SOX5: variants seen among roughly 807,000 people sequenced by gnomAD.
SOX5 encodes SRY-box transcription factor 5.
In SOX5, 9 loss-of-function variants were observed where a neutral mutation model predicts 92.0. The observed-to-expected ratio is 0.10, with a 90% CI of 0.06 to 0.17. SOX5 has a LOEUF of 0.17. SOX5 is among the 10% of genes least tolerant of loss of function. The pLI is 1.00. For synonymous variants in SOX5, 344 were observed against 336.3 expected, an observed-to-expected ratio of 1.02 and a Z score of -0.25; for missense variants, 642 against 944.5, an observed-to-expected ratio of 0.68 and a Z score of 4.20.
At chr12:24,479,826 T>C (rs1205993081) in intron 1 of SOX5, among the ~76,000 whole-genome samples, 2 of 151,998 alleles carry the variant, frequency 1.3e-5, no homozygotes, top group Admixed American at 6.6e-5. Flanking sequence ...CCACCATGCC[T>C]GGCTAATTTT....
chr12:24,005,880 C>T (rs1025656310), intron 4 of SOX5, among the ~76,000 whole-genome samples: 7 of 152,050 alleles, frequency 4.6e-5, no homozygotes, highest in South Asian at 4.1e-4. Flanking sequence ...ATATATTTTC[C>T]GGGCTAGGAA....
chr12:24,187,347 T>C (rs537205771), intron 4 of SOX5, among the ~76,000 whole-genome samples: 8 of 152,316 alleles, frequency 5.3e-5, no homozygotes, highest in Admixed American at 3.3e-4. Flanking sequence ...ATCATATCTC[T>C]TGCTTTTGAT....
At chr12:24,506,806 T>TTTC (rs1566337973) in intron 1 of SOX5, among the ~76,000 whole-genome samples, 1 of 138,314 alleles carries the variant, frequency 7.2e-6, no homozygotes, top group East Asian at 2.0e-4. Context: ...TTTTTTTTTT[T>TTTC]GGAGACGGGA....
intron 1 of SOX5, among the ~76,000 whole-genome samples, chr12:24,508,407 A>G (rs186286493): frequency 6.6e-6 from 1 of 152,180 alleles, no homozygotes; most frequent in African/African-American, 2.4e-5. Flanking sequence ...GAACTTTCTG[A>G]TGGACTGGTT....
intron 4 of SOX5, among the ~76,000 whole-genome samples, chr12:24,152,625 A>T (rs1472844653): frequency 7.9e-5 from 12 of 152,160 alleles, no homozygotes; most frequent in Admixed American, 7.9e-4. Context: ...TAACATGCTT[A>T]CCCACCAACA....
chr12:23,967,761 T>C (rs1385271935), intron 4 of SOX5, among the ~76,000 whole-genome samples: 1 of 152,178 alleles, frequency 6.6e-6, no homozygotes, highest in Non-Finnish European at 1.5e-5. Flanking sequence ...TTAAAATTAT[T>C]ATTCAGGATA....
intron 1 of SOX5, among the ~76,000 whole-genome samples, chr12:24,530,118 A>G (rs1441208912): frequency 6.6e-6 from 1 of 152,166 alleles, no homozygotes; most frequent in East Asian, 1.9e-4. Context: ...AAAAATAACT[A>G]CAAATCTAGC....
intron 2 of SOX5, among the ~76,000 whole-genome samples, chr12:24,327,583 T>C (rs1950854420): frequency 6.6e-6 from 1 of 151,130 alleles, no homozygotes; most frequent in South Asian, 2.1e-4. Flanking sequence ...GCCCAGCTAA[T>C]TTTTATTTTT....
chr12:24,487,463 A>G (rs1255813720), intron 1 of SOX5, among the ~76,000 whole-genome samples: 1 of 152,222 alleles, frequency 6.6e-6, no homozygotes, highest in Admixed American at 6.6e-5. Context: ...GACTGTATAC[A>G]GGAGAGACTG....
intron 1 of SOX5, among the ~76,000 whole-genome samples, chr12:24,555,433 G>A (rs995373096): frequency 4.6e-5 from 7 of 152,142 alleles, no homozygotes; most frequent in Non-Finnish European, 8.8e-5. Context: ...ATGTTTGCTT[G>A]CATAAACAAT....
chr12:23,740,124 T>C (rs1332946159), intron 5 of SOX5, among the ~76,000 whole-genome samples: 2 of 152,190 alleles, frequency 1.3e-5, no homozygotes, highest in Non-Finnish European at 2.9e-5. Flanking sequence ...ACACCTGAGC[T>C]CTCTTCCAAA....
chr12:24,506,434 C>A (rs1948752502), intron 1 of SOX5, among the ~76,000 whole-genome samples: 1 of 131,716 alleles, frequency 7.6e-6, no homozygotes, highest in Non-Finnish European at 1.6e-5. Context: ...GAGAGAGATG[C>A]AATAATGATT....
intron 3 of SOX5, among the ~76,000 whole-genome samples, chr12:23,842,062 T>C (rs1163409480): frequency 2.0e-5 from 3 of 152,128 alleles, no homozygotes; most frequent in Non-Finnish European, 4.4e-5. Flanking sequence ...TGAAACAATT[T>C]CACTGAATGG....
chr12:23,772,317 T>C (rs897480408), intron 3 of SOX5, among the ~76,000 whole-genome samples: 6 of 152,204 alleles, frequency 3.9e-5, no homozygotes, highest in African/African-American at 1.4e-4. Flanking sequence ...TGACGCTATT[T>C]ATCTTTAAAA....
chr12:24,092,923 T>C (rs982095110), intron 4 of SOX5, among the ~76,000 whole-genome samples: 4 of 152,152 alleles, frequency 2.6e-5, no homozygotes, highest in Non-Finnish European at 2.9e-5. Context: ...CAGATTGACA[T>C]GTGAAGAAGC....
chr12:23,687,555 C>A (rs1003098340), intron 6 of SOX5, among the ~76,000 whole-genome samples: 1 of 151,914 alleles, frequency 6.6e-6, no homozygotes, highest in African/African-American at 2.4e-5. Context: ...TATATCTAAA[C>A]CCTTAAATAA....
At chr12:23,910,925 G>A (rs573738080) in intron 1 of SOX5, among the ~76,000 whole-genome samples, 182 of 152,026 alleles carry the variant, frequency 1.2e-3, no homozygotes, top group South Asian at 2.7e-3. Context: ...CACAACATTC[G>A]CAGCTGGTTT....
rs1254455034 is a variant in SOX5 at position 23,577,176 on chromosome 12, C to CAT, written c.1165-1340_1165-1339dup. Among the ~76,000 whole-genome samples the CAT allele has an allele frequency of 9.2e-3, 704 of 76,748 alleles. 11 individuals are homozygous for CAT. The highest frequency in any genetic ancestry group is 0.015 in the East Asian group (30 of 2,064). 50.3% of individuals were successfully genotyped at this position (76,748 alleles called of 152,430 possible). On this transcript the variant is annotated intron_variant, in intron 9 of 14. Coordinates refer to ENST00000451604, the MANE Select transcript of SOX5 (RefSeq NM_006940.6). ...ACACACACACACACACACACACACACATATATATATATATATTTTTTTTTT... is the reference window on the plus strand; with the variant it reads ...ACACACACACACACACACACACACACATATATATATATATATATTTTTTTTTT...
chr12:24,399,070 C>T (rs533600212), intron 1 of SOX5, among the ~76,000 whole-genome samples: 8 of 152,174 alleles, frequency 5.3e-5, no homozygotes, highest in Non-Finnish European at 8.8e-5. Flanking sequence ...CCACCAAAAA[C>T]GGCCACGGTC....
Sources: allele counts gnomAD v4.1 joint callset (sites outside exome capture counted in the v4.1 genomes callset), GRCh38; gene constraint gnomAD v4.1.1; transcripts MANE v1.5; gene names NCBI Gene and HGNC (gene_info 2026-07-23, HGNC 2026-07-21).